GRIP1: variants seen among roughly 807,000 people sequenced by gnomAD.
GRIP1 encodes the protein glutamate receptor interacting protein 1.
GRIP1 carries 45 observed loss-of-function variants against 129.9 expected under a neutral mutation model. The ratio of observed to expected loss-of-function variants is 0.35; its 90% CI spans 0.27 to 0.44. GRIP1 has a LOEUF of 0.44. Among genes scored for constraint, GRIP1 ranks in the 20% least tolerant of loss-of-function variants. The pLI is 1.00. For synonymous variants in GRIP1, 530 were observed against 520.8 expected, an observed-to-expected ratio of 1.02 and a Z score of -0.24; for missense variants, 1,196 against 1,396.8, an observed-to-expected ratio of 0.86 and a Z score of 2.29.
At chr12:66,714,974 C>T (rs1204068093) in intron 1 of GRIP1, among the ~76,000 whole-genome samples, 1 of 151,900 alleles carries the variant, frequency 6.6e-6, no homozygotes, top group African/African-American at 2.4e-5. Context: ...TCCATCCAAC[C>T]CATCAGTCAA....
chr12:66,988,458 C>A (rs937928108), intron 1 of GRIP1, among the ~76,000 whole-genome samples: 7 of 152,144 alleles, frequency 4.6e-5, no homozygotes, highest in African/African-American at 7.2e-5. Flanking sequence ...CGGCTCACTG[C>A]AACCTCTGCC....
chr12:66,933,595 G>A (rs2041435929), intron 1 of GRIP1, among the ~76,000 whole-genome samples: 2 of 151,966 alleles, frequency 1.3e-5, no homozygotes, highest in African/African-American at 4.8e-5. Flanking sequence ...CATTTTTCTA[G>A]GCTCTAAGGA....
chr12:66,931,687 G>A (rs2041398544), intron 1 of GRIP1, among the ~76,000 whole-genome samples: 1 of 152,142 alleles, frequency 6.6e-6, no homozygotes, highest in Non-Finnish European at 1.5e-5. Context: ...CAAGAGAAAT[G>A]AGAGGGGATA....
At chr12:66,857,211 C>A (rs1357436064) in intron 1 of GRIP1, among the ~76,000 whole-genome samples, 1 of 127,452 alleles carries the variant, frequency 7.8e-6, no homozygotes. Context: ...CATCACACAC[C>A]GGGGCCTGTT....
chr12:66,998,882 T>C (rs2042509029), intron 1 of GRIP1, among the ~76,000 whole-genome samples: 1 of 152,166 alleles, frequency 6.6e-6, no homozygotes, highest in African/African-American at 2.4e-5. Context: ...TAAAACATGC[T>C]CCAATGCCTT....
In GRIP1 at chr12:66,449,140, G is replaced by A. The variant is rs116429616; in HGVS notation, c.1355-3632C>T. Among the ~76,000 whole-genome samples, 580 of 152,196 alleles carry A rather than the reference G, an allele frequency of 3.8e-3. 3 individuals are homozygous for A. The highest frequency in any genetic ancestry group is 0.013 in the African/African-American group (550 of 41,508). ...TTCCACATTTCTAATACATGGTCCC[G>A]TTTCAGCATTTATCAGGTCTCTATA... On this transcript the variant is annotated intron_variant, in intron 11 of 24. Coordinates refer to ENST00000359742, the MANE Select transcript of GRIP1 (RefSeq NM_001366722.1).
In GRIP1 at chr12:66,463,026, G is replaced by T; in HGVS notation, c.940C>A (p.Leu314Ile). 1.2e-6 allele frequency: 2 copies of T among 1,613,862 alleles called. No homozygotes were observed. Among genetic ancestry groups the T allele is most frequent in the South Asian group, 2.2e-5 (2 of 91,062 alleles). ...GCCAGGAACTGGGTTGCTTCTGCAA[G>T]TGTACAGTACTCCATGCTGGTTCCA... The part of the protein sequence containing the change: ...IDGTSMEYCT[L>I]AEATQFLANT... Residue 314 changes from leucine (L) to isoleucine (I), a missense_variant, in exon 9 of 25, where the codon CTT (leucine) becomes ATT (isoleucine). This residue lies in a region of GRIP1 where 508 missense variants were observed against 587.0 expected (regional missense o/e 0.87). Transcript: ENST00000359742.
chr12:66,641,659 G>A (rs1056289989), intron 1 of GRIP1, among the ~76,000 whole-genome samples: 1 of 152,156 alleles, frequency 6.6e-6, no homozygotes, highest in African/African-American at 2.4e-5. Context: ...AAGCTCTGAG[G>A]AAATGTTATT....
chr12:66,690,371 T>TACAC lies in GRIP1; in HGVS notation c.-419-60039_-419-60036dup, dbSNP rs112206335. 6.4e-3 allele frequency among the ~76,000 whole-genome samples: 948 copies of TACAC among 147,878 alleles called. 9 individuals are homozygous for TACAC. Among genetic ancestry groups the TACAC allele is most frequent in the East Asian group, 0.057 (282 of 4,972 alleles). Reference sequence around the variant, plus strand: ...CCTTCTTTTCATTGCTCAATAATATTACACACACACACACACACACACACA... The same window carrying TACAC: ...CCTTCTTTTCATTGCTCAATAATATTACACACACACACACACACACACACACACA... On this transcript the variant is annotated intron_variant, in intron 1 of 4. Transcript: ENST00000538373.
chr12:66,707,123 G>T (rs2035557192), intron 1 of GRIP1, among the ~76,000 whole-genome samples: 2 of 151,766 alleles, frequency 1.3e-5, no homozygotes, highest in Admixed American at 6.6e-5. Flanking sequence ...CTTTCAACTT[G>T]CAAACTGGCT....
At chr12:66,606,480 C>T (rs73325139) in intron 1 of GRIP1, among the ~76,000 whole-genome samples, 1 of 152,026 alleles carries the variant, frequency 6.6e-6, no homozygotes, top group African/African-American at 2.4e-5. Context: ...CAACCAGAAG[C>T]CTTTTTAATG....
chr12:66,601,080 T>C (rs557306625), intron 1 of GRIP1, among the ~76,000 whole-genome samples: 1 of 152,264 alleles, frequency 6.6e-6, no homozygotes, highest in East Asian at 1.9e-4. Flanking sequence ...AGAATTGACA[T>C]GGTGACAAAG....
intron 5 of GRIP1, among the ~76,000 whole-genome samples, chr12:66,524,584 C>T (rs2061153280): frequency 6.6e-6 from 1 of 151,904 alleles, no homozygotes; most frequent in Middle Eastern, 3.4e-3. Flanking sequence ...CAGGAAAGAT[C>T]CAAAATTGAC....
chr12:66,889,044 C>T (rs904358336), intron 1 of GRIP1, among the ~76,000 whole-genome samples: 1 of 152,154 alleles, frequency 6.6e-6, no homozygotes, highest in Non-Finnish European at 1.5e-5. Context: ...CATGATTTGT[C>T]CAAAGAAATA....
intron 1 of GRIP1, among the ~76,000 whole-genome samples, chr12:66,618,873 A>G (rs926215798): frequency 3.3e-5 from 5 of 152,162 alleles, no homozygotes; most frequent in African/African-American, 1.2e-4. Context: ...TGAGATGTTC[A>G]GTAGCTATCA....
intron 1 of GRIP1, among the ~76,000 whole-genome samples, chr12:67,043,133 G>C (rs751848697): frequency 2.0e-5 from 3 of 152,210 alleles, no homozygotes; most frequent in Non-Finnish European, 2.9e-5. Context: ...GCAGGCGAGA[G>C]TGAGGTCCTC....
chr12:66,485,452 A>C (rs1454478714), intron 7 of GRIP1, among the ~76,000 whole-genome samples: 3 of 151,452 alleles, frequency 2.0e-5, no homozygotes, highest in Non-Finnish European at 2.9e-5. Context: ...TAAAAACTAA[A>C]AAATAATTTC....
chr12:66,900,947 G>GT (rs1431883662), intron 1 of GRIP1, among the ~76,000 whole-genome samples: 1 of 152,164 alleles, frequency 6.6e-6, no homozygotes, highest in Non-Finnish European at 1.5e-5. Context: ...AATCCTGCAT[G>GT]TTTTTTGAAA....
chr12:66,745,368 C>A (rs888839291), intron 1 of GRIP1, among the ~76,000 whole-genome samples: 1 of 151,978 alleles, frequency 6.6e-6, no homozygotes, highest in Non-Finnish European at 1.5e-5. Context: ...AAATTAGAAC[C>A]CACATAGAGT....
Sources: allele counts gnomAD v4.1 joint callset (sites outside exome capture counted in the v4.1 genomes callset), GRCh38; gene constraint gnomAD v4.1.1; regional missense constraint gnomAD v4.1.1; transcripts MANE v1.5; gene names NCBI Gene and HGNC (gene_info 2026-07-23, HGNC 2026-07-21).